Variants in GALNT17 observed in about 807,000 individuals in gnomAD.
GALNT17 encodes the protein polypeptide N-acetylgalactosaminyltransferase 17.
A neutral mutation model predicts 63.7 loss-of-function variants in GALNT17; 29 were observed. The observed-to-expected ratio is 0.46, with a 90% CI of 0.34 to 0.62. The LOEUF is 0.62. Among genes scored for constraint, GALNT17 ranks in the 20% least tolerant of loss-of-function variants. The probability of loss-of-function intolerance (pLI) is 0.01; values close to 1 mark genes in which losing one functional copy is unlikely to be tolerated. For synonymous variants in GALNT17, 305 were observed against 318.3 expected (o/e 0.96, Z 0.45); for missense variants, 603 against 799.6 (o/e 0.75, Z 2.97).
intron 6 of GALNT17, among the ~76,000 whole-genome samples, chr7:71,647,902 C>T (rs758988225): frequency 5.3e-5 from 8 of 152,222 alleles, no homozygotes; most frequent in African/African-American, 1.2e-4. Flanking sequence ...GGGCAGGAAG[C>T]GGCCTGGCCC....
chr7:71,362,633 G>A (rs983829863), intron 2 of GALNT17, among the ~76,000 whole-genome samples: 2 of 152,174 alleles, frequency 1.3e-5, no homozygotes, highest in Non-Finnish European at 2.9e-5. Context: ...TTCAGATGAA[G>A]ACTTGCTGTT....
At chr7:71,430,949 A>C (rs1786850001) in intron 5 of GALNT17, among the ~76,000 whole-genome samples, 1 of 152,146 alleles carries the variant, frequency 6.6e-6, no homozygotes, top group Non-Finnish European at 1.5e-5. Flanking sequence ...TAGTATTGGT[A>C]AATGAAATGA....
chr7:71,177,597 T>G (rs1342493716), intron 1 of GALNT17, among the ~76,000 whole-genome samples: 1 of 152,052 alleles, frequency 6.6e-6, no homozygotes, highest in Non-Finnish European at 1.5e-5. Flanking sequence ...ACTCTGAATG[T>G]TAGGTAGAGT....
chr7:71,147,922 A>C (rs993020459), intron 1 of GALNT17, among the ~76,000 whole-genome samples: 1 of 151,968 alleles, frequency 6.6e-6, no homozygotes, highest in Non-Finnish European at 1.5e-5. Context: ...GAGCCACTGC[A>C]CCAGGCCTCT....
chr7:71,422,711 G>T (rs1302117904), intron 5 of GALNT17, among the ~76,000 whole-genome samples: 2 of 152,214 alleles, frequency 1.3e-5, no homozygotes, highest in African/African-American at 4.8e-5. Flanking sequence ...TTTCATCTTT[G>T]CCATCTGCAG....
At chr7:71,671,690 T>C (rs1052151455) in intron 8 of GALNT17, among the ~76,000 whole-genome samples, 1 of 152,126 alleles carries the variant, frequency 6.6e-6, no homozygotes, top group Non-Finnish European at 1.5e-5. Flanking sequence ...ACAGGATTCC[T>C]GGGAGGATAA....
At chr7:71,669,621 G>A (rs1366261442) in intron 7 of GALNT17, among the ~76,000 whole-genome samples, 1 of 149,468 alleles carries the variant, frequency 6.7e-6, no homozygotes, top group Non-Finnish European at 1.5e-5. Context: ...GAGTGTAGTG[G>A]CATGATCTCG....
intron 1 of GALNT17, among the ~76,000 whole-genome samples, chr7:71,178,692 A>G (rs138712870): frequency 6.6e-6 from 1 of 152,196 alleles, no homozygotes; most frequent in African/African-American, 2.4e-5. Context: ...CAGTTAGTGT[A>G]TATTTTACTT....
At chr7:71,335,180 G>T in intron 1 of GALNT17, among the ~76,000 whole-genome samples, 1 of 152,070 alleles carries the variant, frequency 6.6e-6, no homozygotes, top group East Asian at 1.9e-4. Context: ...TGCCCAGGCT[G>T]GAGTGCAGTG....
chr7:71,343,399 CTT>C (rs1166457223), intron 2 of GALNT17, among the ~76,000 whole-genome samples: 1 of 152,198 alleles, frequency 6.6e-6, no homozygotes, highest in East Asian at 1.9e-4. Context: ...CTATATTACA[CTT>C]GAGAAAATTG....
chr7:71,617,149 A>G (rs957738606), intron 6 of GALNT17, among the ~76,000 whole-genome samples: 6 of 149,842 alleles, frequency 4.0e-5, no homozygotes, highest in African/African-American at 1.5e-4. Context: ...TTATTTACTT[A>G]TTCATTTGCA....
intron 10 of GALNT17, among the ~76,000 whole-genome samples, chr7:71,711,573 C>G (rs1562745684): frequency 6.6e-6 from 1 of 151,272 alleles, no homozygotes. Flanking sequence ...CTCCCTTTCT[C>G]TCTTTCTCTT....
chr7:71,557,684 G>A (rs1789187316), intron 5 of GALNT17, among the ~76,000 whole-genome samples: 1 of 151,976 alleles, frequency 6.6e-6, no homozygotes, highest in African/African-American at 2.4e-5. Context: ...CCAGATACTC[G>A]GGAGGCTGAG....
At chr7:71,290,130 T>C (rs1176797723) in intron 1 of GALNT17, among the ~76,000 whole-genome samples, 1 of 152,170 alleles carries the variant, frequency 6.6e-6, no homozygotes, top group African/African-American at 2.4e-5. Context: ...ATATGCATGA[T>C]AGCATGCAAC....
intron 5 of GALNT17, among the ~76,000 whole-genome samples, chr7:71,453,653 AAC>A (rs1787306357): frequency 6.6e-6 from 1 of 152,218 alleles, no homozygotes. Context: ...AAGCCATATC[AAC>A]AATATTCATG....
Position 71,289,894 on chromosome 7 carries a change from A to G in GALNT17, c.239-45656A>G, listed in dbSNP as rs1382259433. 4.6e-5 allele frequency among the ~76,000 whole-genome samples: 7 copies of G among 151,924 alleles called. No homozygotes were observed. The East Asian group carries it at 1.2e-3, about 25-fold the overall frequency. ...AACCCCGTCTCAAAAGAAAAAAAAA[A>G]AAAAGCCAGATGTGGTGGCACGCAC... On this transcript the variant is annotated intron_variant, in intron 1 of 10. Transcript: ENST00000333538.
At chr7:71,194,138 T>G (rs925761996) in intron 1 of GALNT17, among the ~76,000 whole-genome samples, 11 of 152,096 alleles carry the variant, frequency 7.2e-5, no homozygotes, top group Non-Finnish European at 1.3e-4. Flanking sequence ...CTTGACCTCC[T>G]GGGCTCAAAC....
intron 5 of GALNT17, among the ~76,000 whole-genome samples, chr7:71,505,585 G>A (rs192005516): frequency 2.9e-4 from 44 of 152,194 alleles, no homozygotes; most frequent in Non-Finnish European, 4.1e-4. Flanking sequence ...GGGTGACAGC[G>A]TGAGATTCTG....
rs755966198 is a variant in GALNT17, at chr7:71,421,082, C to T, written c.939C>T (p.Ala313=). Residue 313 remains alanine, a synonymous_variant, in exon 5 of 11, where the codon GCC becomes GCT. Transcript: ENST00000333538. ...GCCCCCCAAAAGACTGGTGGGACGC[C>T]GGAGACCCTTCTCTCCCCATCAGGT... The part of the protein sequence containing the change: ...YISPPKDWWD[A]GDPSLPIRTP... 32 of 1,613,936 alleles carry T rather than the reference C, an allele frequency of 2.0e-5. No homozygotes were observed. Among genetic ancestry groups the T allele is most frequent in the African/African-American group, 1.5e-4 (11 of 74,902 alleles).
Sources: gnomAD v4.1 joint callset for allele counts (sites outside exome capture counted in the v4.1 genomes callset) on GRCh38, gnomAD v4.1.1 for gene constraint, MANE v1.5 for transcripts, NCBI Gene and HGNC (gene_info 2026-07-23, HGNC 2026-07-21) for gene names.